SPATA13: variants seen among roughly 807,000 people sequenced by gnomAD.
The protein encoded by SPATA13 is spermatogenesis associated 13.
SPATA13 carries 50 observed loss-of-function variants against 104.0 expected under a neutral mutation model. The ratio of observed to expected loss-of-function variants is 0.48; its 90% CI spans 0.38 to 0.61. SPATA13 has a LOEUF of 0.61. SPATA13 is among the 20% of genes least tolerant of loss of function. SPATA13 has a pLI of 0.00. For synonymous variants in SPATA13, 606 were observed against 667.5 expected (o/e 0.91, Z 1.42); for missense variants, 1,524 against 1,690.6 (o/e 0.90, Z 1.73).
At chr13:24,213,746 C>T (rs2138593424) in intron 1 of SPATA13, among the ~76,000 whole-genome samples, 1 of 152,122 alleles carries the variant, frequency 6.6e-6, no homozygotes, top group East Asian at 1.9e-4. Flanking sequence ...ATATTTTTAA[C>T]ATAATTTGTT....
At chr13:24,003,120 T>G (rs932249438) in intron 2 of SPATA13, among the ~76,000 whole-genome samples, 5 of 152,162 alleles carry the variant, frequency 3.3e-5, no homozygotes, top group African/African-American at 1.2e-4. Flanking sequence ...TCTGTCTGGT[T>G]TTCAATGGTT....
intron 3 of SPATA13, among the ~76,000 whole-genome samples, chr13:24,091,158 A>G (rs1409623272): frequency 6.6e-6 from 1 of 152,222 alleles, no homozygotes; most frequent in Non-Finnish European, 1.5e-5. Context: ...CACAGTTCAC[A>G]TCTCTGCCTT....
At chr13:24,219,003 C>CAA (rs35494448) in intron 1 of SPATA13, among the ~76,000 whole-genome samples, 31,160 of 110,052 alleles carry the variant, frequency 0.28, 4,223 homozygotes, top group South Asian at 0.38. Flanking sequence ...TCATTATCAC[C>CAA]AAAAAAAAAA....
intron 3 of SPATA13, among the ~76,000 whole-genome samples, chr13:24,101,027 G>A (rs1412875826): frequency 6.6e-6 from 1 of 152,196 alleles, no homozygotes; most frequent in Non-Finnish European, 1.5e-5. Flanking sequence ...CATCCTGAGA[G>A]TGCATGATAA....
At position 24,000,225 on chromosome 13, in the gene SPATA13, C is replaced by T. The variant is rs532120257; in HGVS notation, c.-147+16292C>T. Among the ~76,000 whole-genome samples, 5 of 152,336 alleles carry T rather than the reference C, an allele frequency of 3.3e-5. No individual in the cohort carries two copies. In the South Asian group the frequency reaches 1.0e-3, roughly 32 times the overall value. ...TGAAAGAGAACAACAGAGGGCTTGA[C>T]CTGGCCTAGGGGCTGGGAAGCCTTC... On this transcript the variant is annotated intron_variant, in intron 2 of 14. Coordinates refer to the SPATA13 transcript ENST00000424834.
At chr13:24,150,123 G>A (rs1004229907) in intron 3 of SPATA13, among the ~76,000 whole-genome samples, 1 of 152,078 alleles carries the variant, frequency 6.6e-6, no homozygotes, top group Non-Finnish European at 1.5e-5. Context: ...TGGACTGATG[G>A]GGGACAGTCA....
chr13:24,174,327 T>C (rs557909721), intron 1 of SPATA13, among the ~76,000 whole-genome samples: 36 of 152,226 alleles, frequency 2.4e-4, no homozygotes, highest in African/African-American at 8.4e-4. Flanking sequence ...TTTTAATTTC[T>C]TTTATATCTG....
intron 2 of SPATA13, among the ~76,000 whole-genome samples, chr13:23,998,519 G>A (rs1201439521): frequency 6.6e-6 from 1 of 152,130 alleles, no homozygotes; most frequent in African/African-American, 2.4e-5. Flanking sequence ...CCTGACTGTG[G>A]CTTATCATTT....
rs777100496 is a variant in SPATA13, at chr13:24,286,166, C to A, written c.2302-48C>A. ...TGCACCTAGTGGCTCCCTCACCATC[C>A]CGCCCACTCGTGCTCTATGCTGAGC... is the stretch of plus-strand genomic sequence containing the variant. On this transcript the variant is annotated intron_variant, in intron 5 of 12. Coordinates refer to ENST00000382108, the MANE Select transcript of SPATA13 (RefSeq NM_001166271.3). This position sits in a 1 kb window ranked among gnomAD's most constrained non-coding sequence, Gnocchi z 4.9. The A allele has an allele frequency of 5.2e-6, 8 of 1,531,754 alleles. No homozygotes were observed. The East Asian group carries it at 1.6e-4, about 31-fold the overall frequency. The allele number at this position is 1,531,754 out of a possible 1,614,324, so 94.9% of individuals were successfully genotyped here.
chr13:24,301,439 G>A (rs1877178718), intron 12 of SPATA13, among the ~76,000 whole-genome samples: 1 of 152,208 alleles, frequency 6.6e-6, no homozygotes, highest in African/African-American at 2.4e-5. Context: ...AAAAACCCAT[G>A]TTATTAATTT....
At chr13:24,022,819 A>G (rs1877044821) in intron 3 of SPATA13, among the ~76,000 whole-genome samples, 1 of 152,186 alleles carries the variant, frequency 6.6e-6, no homozygotes, top group Admixed American at 6.5e-5. Flanking sequence ...GACTCAAGCA[A>G]AATGTACAAG....
At chr13:24,115,393 G>T (rs1023434876) in intron 3 of SPATA13, among the ~76,000 whole-genome samples, 1 of 152,266 alleles carries the variant, frequency 6.6e-6, no homozygotes, top group African/African-American at 2.4e-5. Context: ...CAGAAGGTGA[G>T]TGAGCATTAC....
At position 24,197,966 on chromosome 13, in the gene SPATA13, T is replaced by C. The variant is rs187608219; in HGVS notation, c.-111-24853T>C. On this transcript the variant is annotated intron_variant, in intron 1 of 12. Coordinates refer to ENST00000382108, the MANE Select transcript of SPATA13 (RefSeq NM_001166271.3). ...CTGTTGTTCTTCCAACTCCTCACTT[T>C]CCCATGTTTCCTCCCCTGTTACCTC... Among the ~76,000 whole-genome samples, 427 of 152,076 alleles carry C rather than the reference T, an allele frequency of 2.8e-3. 9 individuals are homozygous for C. The South Asian group carries it at 0.036, about 13-fold the overall frequency.
upstream of SPATA13, among the ~76,000 whole-genome samples, chr13:24,159,811 G>A (rs1882392145): frequency 6.6e-6 from 1 of 151,912 alleles, no homozygotes; most frequent in Non-Finnish European, 1.5e-5. Flanking sequence ...GATTATAAAA[G>A]ACAATAGACA....
At chr13:23,991,050 G>A (rs1199803424) in intron 2 of SPATA13, among the ~76,000 whole-genome samples, 1 of 152,190 alleles carries the variant, frequency 6.6e-6, no homozygotes, top group Non-Finnish European at 1.5e-5. Context: ...GTTAAGATCA[G>A]GCAGAGGAGA....
intron 3 of SPATA13, among the ~76,000 whole-genome samples, chr13:24,127,370 C>A (rs1223530417): frequency 6.6e-6 from 1 of 152,216 alleles, no homozygotes; most frequent in Non-Finnish European, 1.5e-5. Flanking sequence ...AGTTGACAAC[C>A]AGCGTCATTT....
intron 3 of SPATA13, chr13:24,251,404 C>A: frequency 1.3e-5 from 12 of 908,170 alleles, no homozygotes; most frequent in Non-Finnish European, 1.4e-5. Flanking sequence ...TGTGACAACT[C>A]CACTGCTTCC....
chr13:24,054,967 T>A (rs557006943), intron 3 of SPATA13, among the ~76,000 whole-genome samples: 1 of 152,080 alleles, frequency 6.6e-6, no homozygotes, highest in Non-Finnish European at 1.5e-5. Flanking sequence ...CTGGTTATTA[T>A]GACTATTATT....
At chr13:24,258,560 T>G (rs1346864104) in intron 4 of SPATA13, among the ~76,000 whole-genome samples, 1 of 151,710 alleles carries the variant, frequency 6.6e-6, no homozygotes, top group Admixed American at 6.6e-5. Context: ...TACCAGCTAC[T>G]CAGGAGGCTG....
Sources: gnomAD v4.1 joint callset for allele counts (sites outside exome capture counted in the v4.1 genomes callset) on GRCh38, gnomAD v4.1.1 for gene constraint, Gnocchi (gnomAD v3.1) non-coding constraint, MANE v1.5 for transcripts, NCBI Gene and HGNC (gene_info 2026-07-23, HGNC 2026-07-21) for gene names.